The following TJP1 variants were observed in gnomAD, a reference collection of about 807,000 sequenced individuals.
TJP1 encodes the protein tight junction protein ZO-1.
A neutral mutation model predicts 194.2 loss-of-function variants in TJP1; 43 were observed. That is an observed-to-expected ratio of 0.22 (90% CI 0.17 to 0.29). The LOEUF is 0.29. TJP1 is among the 10% of genes least tolerant of loss of function. The probability of loss-of-function intolerance (pLI) is 1.00; values close to 1 mark genes in which losing one functional copy is unlikely to be tolerated. For synonymous variants in TJP1, 801 were observed against 779.0 expected (o/e 1.03, Z -0.47); for missense variants, 1,971 against 2,185.7 (o/e 0.90, Z 1.96).
chr15:29,821,832 TCCCCGCGGCCCGCG>T (rs1375828417), intron 1 of TJP1, among the ~76,000 whole-genome samples, 156 bp downstream of exon 1: 2 of 142,104 alleles, frequency 1.4e-5, no homozygotes, highest in Admixed American at 6.9e-5. Flanking sequence ...CCCGAGGGGC[TCCCCGCGGCCCGCG>T]GCCCGCGGCC....
rs1461643453 is a variant in TJP1, at chr15:29,821,865, CGCGCCAGCCCT to C, written c.27+126_27+136del. ...GCCCGCGGCCCGCGGCCCGCGGCCC[CGCGCCAGCCCT>C]GCCCACCCCGCCGCCCCGGGGCCCA... is the stretch of plus-strand genomic sequence containing the variant. On this transcript the variant is annotated intron_variant, in intron 1 of 27. Transcript: ENST00000614355. 7.9e-6 allele frequency: 7 copies of C among 883,586 alleles called. No individual in the cohort carries two copies. The East Asian group carries it at 7.3e-4, about 92-fold the overall frequency. 54.7% of individuals were successfully genotyped at this position (883,586 alleles called of 1,614,324 possible).
chr15:29,820,964 C>G (rs45456792), intron 1 of TJP1, among the ~76,000 whole-genome samples: 1,927 of 152,278 alleles, frequency 0.013, 44 homozygotes, highest in African/African-American at 0.045. Context: ...CCAGATGTTA[C>G]GGGTAAGCAT....
At chr15:29,950,129 T>A (rs1461462625) in intron 2 of TJP1, among the ~76,000 whole-genome samples, 26 of 20,120 alleles carry the variant, frequency 1.3e-3, no homozygotes, top group Non-Finnish European at 1.6e-3. Context: ...AACCACCACC[T>A]CCACCACCAC....
At chr15:29,748,968 G>A (rs1323885930) in intron 8 of TJP1, among the ~76,000 whole-genome samples, 2 of 11,922 alleles carry the variant, frequency 1.7e-4, no homozygotes, top group Non-Finnish European at 4.2e-4. Flanking sequence ...GTGTGTGCGC[G>A]CGCGCGTTTG....
At chr15:29,846,386 G>A (rs1041252226) in intron 2 of TJP1, among the ~76,000 whole-genome samples, 2 of 152,066 alleles carry the variant, frequency 1.3e-5, no homozygotes, top group African/African-American at 4.8e-5. Flanking sequence ...CTCCACCAGT[G>A]CCTGACATGG....
intron 2 of TJP1, among the ~76,000 whole-genome samples, chr15:29,908,660 C>G (rs895439369): frequency 2.7e-5 from 4 of 149,748 alleles, no homozygotes; most frequent in Admixed American, 2.0e-4. Context: ...AATTCCAATC[C>G]CTTTGATACG....
At position 29,949,116 on chromosome 15, in the gene TJP1, CTA is replaced by C. The variant is rs1184919345; in HGVS notation, c.306+7114_306+7115del. On this transcript the variant is annotated intron_variant, in intron 2 of 28. Transcript: ENST00000356107. Reference sequence around the variant, plus strand: ...ACCACCACCTCCACCACTTCCACCTCTACAACCACCACCTCCACCTCCACCTT... The same window carrying C: ...ACCACCACCTCCACCACTTCCACCTCCAACCACCACCTCCACCTCCACCTT... Among the ~76,000 whole-genome samples, 14 of 149,834 alleles carry C rather than the reference CTA, an allele frequency of 9.3e-5. 1 individual carries two copies. In the East Asian group the frequency reaches 1.4e-3, roughly 15 times the overall value.
chr15:29,904,042 A>G (rs928989062), intron 2 of TJP1, among the ~76,000 whole-genome samples: 4 of 152,072 alleles, frequency 2.6e-5, no homozygotes, highest in African/African-American at 9.7e-5. Flanking sequence ...AAATAAACTT[A>G]CTTCACCAGC....
At chr15:29,740,089 G>A (rs538224188) in intron 10 of TJP1, among the ~76,000 whole-genome samples, 8 of 151,894 alleles carry the variant, frequency 5.3e-5, no homozygotes, top group African/African-American at 1.7e-4. Flanking sequence ...CTGGGTTCAC[G>A]CCATTCTCCT....
At chr15:29,925,155 G>A (rs1461143143) in intron 2 of TJP1, among the ~76,000 whole-genome samples, 2 of 152,240 alleles carry the variant, frequency 1.3e-5, no homozygotes, top group Non-Finnish European at 1.5e-5. Flanking sequence ...TGTCTAAAGC[G>A]TGATTCAGAG....
chr15:29,700,107 C>T (rs1042187984), downstream of TJP1: 6 of 395,894 alleles, frequency 1.5e-5, no homozygotes, highest in East Asian at 1.8e-4. Flanking sequence ...GATTATAAAG[C>T]TGCATGAAAC....
chr15:29,954,582 T>C (rs551092173), intron 2 of TJP1, among the ~76,000 whole-genome samples: 15 of 152,354 alleles, frequency 9.8e-5, no homozygotes, highest in Admixed American at 6.5e-5. Flanking sequence ...CTGTTAGTTC[T>C]ACTCAGCAAG....
intron 2 of TJP1, among the ~76,000 whole-genome samples, chr15:29,908,007 T>C (rs60419830): frequency 2.2e-5 from 2 of 92,338 alleles, no homozygotes; most frequent in African/African-American, 4.6e-5. Flanking sequence ...AAAACACCGA[T>C]AGAAATTTGG....
chr15:29,950,195 A>ACCT (rs2055681655), intron 2 of TJP1, among the ~76,000 whole-genome samples: 1 of 96,154 alleles, frequency 1.0e-5, no homozygotes, highest in Non-Finnish European at 2.2e-5. Context: ...CACCACCACC[A>ACCT]CCACTTCCAT....
rs868698893 is a variant in TJP1 at position 29,949,109 on chromosome 15, T to A, written c.306+7123A>T. Among the ~76,000 whole-genome samples the A allele has an allele frequency of 4.5e-3, 517 of 114,530 alleles. 11 individuals carry two copies. In the South Asian group the frequency reaches 0.094, roughly 21 times the overall value. 75.1% of individuals were successfully genotyped at this position (114,530 alleles called of 152,430 possible). ...CTCCTTCACCACCACCTCCACCACT[T>A]CCACCTCTACAACCACCACCTCCAC... On this transcript the variant is annotated intron_variant, in intron 2 of 28. Transcript: ENST00000356107.
rs578134163 is a variant in TJP1 at position 29,705,575 on chromosome 15, T to C, written c.5021A>G (p.Lys1674Arg). The change falls in exon 26 of 28, where the codon AAG becomes AGG. Residue 1674 changes from lysine to arginine, a missense_variant. Physicochemically the swap from Lys to Arg is conservative, Grantham distance 26. Transcript: ENST00000614355. ...PEGVEQEIYF[K>R]VCRDNSILPP... ...AAGGATGCTGTTGTCCCGGCAGACC[T>C]TGAAATAGATTTCCTGCTCAACTCC... 1.2e-5 allele frequency: 20 copies of C among 1,614,122 alleles called. No homozygotes were observed. The highest frequency in any genetic ancestry group is 1.6e-5 in the Non-Finnish European group (19 of 1,180,048).
intron 2 of TJP1, among the ~76,000 whole-genome samples, chr15:29,927,194 C>T (rs1024226947): frequency 9.9e-5 from 15 of 152,128 alleles, no homozygotes; most frequent in Non-Finnish European, 2.9e-5. Flanking sequence ...GTGGCGCATG[C>T]CTGTAATCCC....
chr15:29,716,886 TTATGAAGGAAGTAGAA>T (rs775397608), intron 22 of TJP1, 48 bp from the exon 23 acceptor site: 1 of 1,474,192 alleles, frequency 6.8e-7, no homozygotes, highest in South Asian at 1.2e-5. Flanking sequence ...AATATTAATG[TTATGAAGGAAGTAGAA>T]TATGTAAGTC....
intron 2 of TJP1, among the ~76,000 whole-genome samples, chr15:29,860,446 C>T (rs2052034216): frequency 6.6e-6 from 1 of 152,140 alleles, no homozygotes; most frequent in Non-Finnish European, 1.5e-5. Context: ...ACTCCCTAGT[C>T]CCTGGCAATC....
Sources: gnomAD v4.1 joint callset for allele counts (sites outside exome capture counted in the v4.1 genomes callset) on GRCh38, gnomAD v4.1.1 for gene constraint, MANE v1.5 for transcripts, NCBI Gene and HGNC (gene_info 2026-07-23, HGNC 2026-07-21) for gene names.